AGAP1: variants seen among roughly 807,000 people sequenced by gnomAD.
The protein encoded by AGAP1 is arf-GAP with GTPase, ANK repeat and PH domain-containing protein 1.
Under a neutral mutation model 105.3 loss-of-function variants are expected in AGAP1, and 29 were observed. The observed-to-expected ratio is 0.28, with a 90% CI of 0.21 to 0.38. The LOEUF is 0.38. Ranked by LOEUF, AGAP1 falls within the 10% of genes least tolerant of loss-of-function variation. The pLI is 1.00. For synonymous variants in AGAP1, 509 were observed against 485.9 expected, an observed-to-expected ratio of 1.05 and a Z score of -0.63; for missense variants, 998 against 1,165.1, an observed-to-expected ratio of 0.86 and a Z score of 2.09.
At position 235,577,347 on chromosome 2, in the gene AGAP1, T is replaced by G. The variant is rs1944766864; in HGVS notation, c.163+82498T>G. ...ATCGCACATTTCAATTCGGCCACAT[T>G]TTAGTGCTCAGTAGCACCTGTGGCT... On this transcript the variant is annotated intron_variant, in intron 1 of 17. Coordinates refer to ENST00000304032, the MANE Select transcript of AGAP1 (RefSeq NM_001037131.3). The surrounding 1 kb of genome is among the most constrained non-coding windows in gnomAD (Gnocchi z 4.5). Among the ~76,000 whole-genome samples, 1 of 152,208 alleles carries G rather than the reference T, an allele frequency of 6.6e-6. No individual in the cohort carries two copies. Among genetic ancestry groups the G allele is most frequent in the Non-Finnish European group, 1.5e-5 (1 of 68,042 alleles).
chr2:236,110,130 C>T (rs912211817), intron 16 of AGAP1, among the ~76,000 whole-genome samples: 7 of 152,188 alleles, frequency 4.6e-5, no homozygotes, highest in Non-Finnish European at 7.3e-5. Flanking sequence ...TGACCTTCTC[C>T]TCTAAGATGG....
rs1460103317 is a variant in AGAP1, at chr2:235,729,436, G to A, written c.311-11527G>A. ...AGGAGGTTCCTGGAAGAACCACTGG[G>A]CCTTGCAGGGTCAGCTCAGCCTGAG... On this transcript the variant is annotated intron_variant, in intron 3 of 17. Coordinates refer to ENST00000304032, the MANE Select transcript of AGAP1 (RefSeq NM_001037131.3). This position sits in a 1 kb window ranked among gnomAD's most constrained non-coding sequence, Gnocchi z 5.0. Among the ~76,000 whole-genome samples, 3 of 152,116 alleles carry A rather than the reference G, an allele frequency of 2.0e-5. No homozygotes were observed. The East Asian group carries it at 5.8e-4, about 29-fold the overall frequency.
At chr2:235,538,456 T>TGTGTGTGTGTGTGTGTGC (rs1361428023) in intron 1 of AGAP1, among the ~76,000 whole-genome samples, 1 of 150,584 alleles carries the variant, frequency 6.6e-6, no homozygotes, top group Non-Finnish European at 1.5e-5. Context: ...TGTGTGTGTG[T>TGTGTGTGTGTGTGTGTGC]GTGTGCATGC....
intron 6 of AGAP1, among the ~76,000 whole-genome samples, chr2:235,794,550 C>T (rs1052876188): frequency 3.9e-5 from 6 of 152,144 alleles, no homozygotes; most frequent in Admixed American, 1.3e-4. Flanking sequence ...TGGCTCACTG[C>T]GACCTCTGCC....
At chr2:236,074,317 C>T (rs1032370441) in intron 16 of AGAP1, among the ~76,000 whole-genome samples, 2 of 152,216 alleles carry the variant, frequency 1.3e-5, no homozygotes, top group Non-Finnish European at 1.5e-5. Flanking sequence ...ATTCTCTCCA[C>T]TCCCTCCCCA....
At position 235,967,240 on chromosome 2, in the gene AGAP1, C is replaced by T. The variant is rs1461108338; in HGVS notation, c.1484-1222C>T. Among the ~76,000 whole-genome samples the T allele has an allele frequency of 1.3e-5, 2 of 152,198 alleles. No homozygotes were observed. On this transcript the variant is annotated intron_variant, in intron 12 of 17. Transcript: ENST00000304032. This position sits in a 1 kb window ranked among gnomAD's most constrained non-coding sequence, Gnocchi z 4.7. ...ACTGTTTCTCTGCTCTCATTACCTTCTCACTCCTCTGCCATTTTCAAGTCT... is the reference window on the plus strand; with the variant it reads ...ACTGTTTCTCTGCTCTCATTACCTTTTCACTCCTCTGCCATTTTCAAGTCT...
intron 9 of AGAP1, among the ~76,000 whole-genome samples, chr2:235,854,069 G>A (rs369805458): frequency 1.3e-4 from 20 of 152,190 alleles, no homozygotes; most frequent in Admixed American, 4.6e-4. Context: ...GGATGACCCC[G>A]CCTTATATGA....
At chr2:235,818,088 C>CCTTTCCTT (rs1336454512) in intron 9 of AGAP1, among the ~76,000 whole-genome samples, 1 of 152,214 alleles carries the variant, frequency 6.6e-6, no homozygotes, top group South Asian at 2.1e-4. Flanking sequence ...TACTCCCTAA[C>CCTTTCCTT]CTTTCCTTCT....
chr2:235,567,262 A>G (rs1559253893), intron 1 of AGAP1, among the ~76,000 whole-genome samples: 1 of 152,190 alleles, frequency 6.6e-6, no homozygotes, highest in Non-Finnish European at 1.5e-5. Context: ...TTTCAGCTGG[A>G]AGGATGTTCA....
intron 1 of AGAP1, among the ~76,000 whole-genome samples, chr2:235,496,002 C>T (rs751833385): frequency 6.6e-6 from 1 of 152,216 alleles, no homozygotes; most frequent in Non-Finnish European, 1.5e-5. Context: ...TGCCCAGCCT[C>T]CTCCCTCTGT....
rs1944364055 is a variant in AGAP1 at position 235,566,917 on chromosome 2, C to T, written c.163+72068C>T. The stretch of plus-strand genomic sequence containing the variant: ...TCCCTCCAGAGGATAGAGCAGGATT[C>T]CTCCTAGCCTTTTCCGGCCTCTGGT... On this transcript the variant is annotated intron_variant, in intron 1 of 17. Transcript: ENST00000304032. This position sits in a 1 kb window ranked among gnomAD's most constrained non-coding sequence, Gnocchi z 5.2. Among the ~76,000 whole-genome samples, 1 of 152,204 alleles carries T rather than the reference C, an allele frequency of 6.6e-6. No homozygotes were observed. Among genetic ancestry groups the T allele is most frequent in the Non-Finnish European group, 1.5e-5 (1 of 68,034 alleles).
chr2:235,838,730 C>T (rs748414665), intron 9 of AGAP1, among the ~76,000 whole-genome samples: 2 of 152,230 alleles, frequency 1.3e-5, no homozygotes, highest in Non-Finnish European at 2.9e-5. Context: ...AGGGGAACCC[C>T]GAAGGGATCA....
rs6710524 is a variant in AGAP1, at chr2:235,689,086, C to T, written c.164-20093C>T. Among the ~76,000 whole-genome samples, 1,809 of 152,272 alleles carry T rather than the reference C, an allele frequency of 0.012. 25 individuals are homozygous for T. Among genetic ancestry groups the T allele is most frequent in the African/African-American group, 0.037 (1,540 of 41,534 alleles). On this transcript the variant is annotated intron_variant, in intron 1 of 17. Coordinates refer to ENST00000304032, the MANE Select transcript of AGAP1 (RefSeq NM_001037131.3). This position sits in a 1 kb window ranked among gnomAD's most constrained non-coding sequence, Gnocchi z 4.2. ...ATTGGTTATCTGTAGGAGACATCTACGTATACGTATTTATAGAGCAATGAA... is the reference window on the plus strand; with the variant it reads ...ATTGGTTATCTGTAGGAGACATCTATGTATACGTATTTATAGAGCAATGAA...
intron 9 of AGAP1, among the ~76,000 whole-genome samples, chr2:235,819,705 C>T (rs543274709): frequency 6.6e-6 from 1 of 152,060 alleles, no homozygotes; most frequent in South Asian, 2.1e-4. Flanking sequence ...TGCTCTCTAT[C>T]TTCCCTGTTT....
chr2:236,113,209 C>T lies in AGAP1; in HGVS notation c.2115-6983C>T, dbSNP rs1053280570. On this transcript the variant is annotated intron_variant, in intron 16 of 17. Transcript: ENST00000304032. The surrounding 1 kb of genome is among the most constrained non-coding windows in gnomAD (Gnocchi z 4.3). ...AGGCTGGAGTGCAGTGGTGCAATCT[C>T]AACTCACTGCAACCTCCGCCTCCCG... is the stretch of plus-strand genomic sequence containing the variant. Among the ~76,000 whole-genome samples, 1 of 152,210 alleles carries T rather than the reference C, an allele frequency of 6.6e-6. No homozygotes were observed. Among genetic ancestry groups the T allele is most frequent in the African/African-American group, 2.4e-5 (1 of 41,460 alleles).
In AGAP1 at chr2:236,124,149, G is replaced by A. The variant is rs1268923582; in HGVS notation, c.*27G>A. The A allele has an allele frequency of 7.5e-6, 12 of 1,607,344 alleles. No homozygotes were observed. The highest frequency in any genetic ancestry group is 2.7e-5 in the African/African-American group (2 of 74,764). Reference sequence around the variant, plus strand: ...GAACAGCCGTGCCCGCCTGCTCGCCGCACCTGGGACGCGGCAGCCTCGCCG... The same window carrying A: ...GAACAGCCGTGCCCGCCTGCTCGCCACACCTGGGACGCGGCAGCCTCGCCG... On this transcript the variant is annotated 3_prime_UTR_variant, in exon 18 of 18. Transcript: ENST00000304032. The surrounding 1 kb of genome is among the most constrained non-coding windows in gnomAD (Gnocchi z 5.1).
chr2:235,801,112 C>T lies in AGAP1; in HGVS notation c.957+1590C>T, dbSNP rs1328096464. Among the ~76,000 whole-genome samples, 1 of 152,154 alleles carries T rather than the reference C, an allele frequency of 6.6e-6. No individual in the cohort carries two copies. The highest frequency in any genetic ancestry group is 1.5e-5 in the Non-Finnish European group (1 of 68,036). ...ACACACCCCCTCGTCCCCAGCCTCC[C>T]CTTGCTTTTGCTAGTTGCCTTGCGC... On this transcript the variant is annotated intron_variant, in intron 8 of 17. Transcript: ENST00000304032. The surrounding 1 kb of genome is among the most constrained non-coding windows in gnomAD (Gnocchi z 6.0).
intron 13 of AGAP1, among the ~76,000 whole-genome samples, chr2:236,022,705 T>C (rs2056923690): frequency 6.6e-6 from 1 of 152,182 alleles, no homozygotes; most frequent in South Asian, 2.1e-4. Context: ...CAACTGCTTT[T>C]TGTATTTTTG....
chr2:235,741,476 A>G lies in AGAP1; in HGVS notation c.396+428A>G, dbSNP rs540110200. Reference sequence around the variant, plus strand: ...TCCCACCTTCTCTCTGTCTCTGGTAACTACAGGCATTGGCCCCTCTGTGCC... The same window carrying G: ...TCCCACCTTCTCTCTGTCTCTGGTAGCTACAGGCATTGGCCCCTCTGTGCC... On this transcript the variant is annotated intron_variant, in intron 4 of 17. Transcript: ENST00000304032. The surrounding 1 kb of genome is among the most constrained non-coding windows in gnomAD (Gnocchi z 4.9). Among the ~76,000 whole-genome samples the G allele has an allele frequency of 6.2e-4, 94 of 152,320 alleles. No homozygotes were observed. Among genetic ancestry groups the G allele is most frequent in the African/African-American group, 2.2e-3 (93 of 41,578 alleles).
Sources: gnomAD v4.1 joint callset for allele counts (sites outside exome capture counted in the v4.1 genomes callset) on GRCh38, gnomAD v4.1.1 for gene constraint, Gnocchi (gnomAD v3.1) non-coding constraint, MANE v1.5 for transcripts, NCBI Gene and HGNC (gene_info 2026-07-23, HGNC 2026-07-21) for gene names.